POLR3B: variants seen among roughly 807,000 people sequenced by gnomAD.
The protein encoded by POLR3B is RNA polymerase III subunit B, also known as DNA-directed RNA polymerase III subunit RPC2.
Under a neutral mutation model 147.4 loss-of-function variants are expected in POLR3B, and 96 were observed. The observed-to-expected ratio is 0.65, with a 90% CI of 0.55 to 0.77. The LOEUF is 0.77. Among genes scored for constraint, POLR3B ranks in the 30% least tolerant of loss-of-function variants. The pLI, the probability that POLR3B is intolerant of heterozygous loss-of-function variation, is 0.00. For missense variants in POLR3B, 1,036 were observed against 1,413.5 expected (o/e 0.73, Z 4.28); for synonymous variants, 461 against 485.9 (o/e 0.95, Z 0.67).
At chr12:106,369,464 G>A in intron 5 of POLR3B, 114 bp downstream of exon 5, 1 of 965,818 alleles carries the variant, frequency 1.0e-6, no homozygotes, top group Non-Finnish European at 1.7e-6. Context: ...ATTCTTTGGA[G>A]AAAAAGGGAT....
chr12:106,386,954 A>G (rs1488694527), intron 9 of POLR3B, among the ~76,000 whole-genome samples: 1 of 152,146 alleles, frequency 6.6e-6, no homozygotes, highest in African/African-American at 2.4e-5. Context: ...TTTAATGTTT[A>G]TATTGTACAT....
In POLR3B at chr12:106,508,322, C is replaced by T. The variant is rs2038721791; in HGVS notation, c.3273-1098C>T. Among the ~76,000 whole-genome samples, 4 of 152,194 alleles carry T rather than the reference C, an allele frequency of 2.6e-5. No homozygotes were observed. In the South Asian group the frequency reaches 6.2e-4, roughly 24 times the overall value. Reference sequence around the variant, plus strand: ...AGAATATGCACATTTACAGTTTTTACACACACTGTCTTACTGCCCTCCAGA... The same window carrying T: ...AGAATATGCACATTTACAGTTTTTATACACACTGTCTTACTGCCCTCCAGA... On this transcript the variant is annotated intron_variant, in intron 27 of 27. Coordinates refer to ENST00000228347, the MANE Select transcript of POLR3B (RefSeq NM_018082.6).
intron 9 of POLR3B, among the ~76,000 whole-genome samples, chr12:106,388,824 G>T (rs1037472340): frequency 6.6e-6 from 1 of 152,114 alleles, no homozygotes; most frequent in Non-Finnish European, 1.5e-5. Context: ...CACCATTAGT[G>T]TGTGTATCAG....
intron 20 of POLR3B, among the ~76,000 whole-genome samples, chr12:106,455,883 TC>T (rs2037858319): frequency 6.6e-6 from 1 of 152,212 alleles, no homozygotes; most frequent in South Asian, 2.1e-4. Context: ...CATCTCACAG[TC>T]ACCTTCATAT....
At chr12:106,440,860 G>T (rs1198335239) in intron 18 of POLR3B, among the ~76,000 whole-genome samples, 1 of 151,452 alleles carries the variant, frequency 6.6e-6, no homozygotes, top group Admixed American at 6.6e-5. Flanking sequence ...GTTTTTCATT[G>T]ATGTAAATGA....
chr12:106,488,361 T>C (rs1218152435), intron 23 of POLR3B, among the ~76,000 whole-genome samples: 2 of 152,234 alleles, frequency 1.3e-5, no homozygotes, highest in Non-Finnish European at 2.9e-5. Flanking sequence ...CTGGCCAAGG[T>C]GAAATGATTT....
chr12:106,374,701 A>G (rs2036654590), intron 6 of POLR3B, among the ~76,000 whole-genome samples: 1 of 152,060 alleles, frequency 6.6e-6, no homozygotes, highest in African/African-American at 2.4e-5. Flanking sequence ...TATTTTTAGT[A>G]GAGATGGGGT....
chr12:106,460,081 T>A (rs2037914449), intron 22 of POLR3B, among the ~76,000 whole-genome samples: 1 of 151,994 alleles, frequency 6.6e-6, no homozygotes, highest in South Asian at 2.1e-4. Flanking sequence ...GATTCTTGAG[T>A]TGTGATGGCA....
Position 106,509,636 on chromosome 12 carries a change from G to C in POLR3B, c.*87G>C. On this transcript the variant is annotated 3_prime_UTR_variant, in exon 28 of 28. Transcript: ENST00000228347. The stretch of plus-strand genomic sequence containing the variant: ...GGGATTTAGGACTACGTCTCCTCCT[G>C]TGAAGAATTCCCTTGCGTATTCTCT... 1 of 1,219,626 alleles carries C rather than the reference G, an allele frequency of 8.2e-7. No individual in the cohort carries two copies. The highest frequency in any genetic ancestry group is 1.2e-6 in the Non-Finnish European group (1 of 841,680). The allele number at this position is 1,219,626 out of a possible 1,614,324, so 75.6% of individuals were successfully genotyped here. A position where few individuals can be genotyped will look rare whatever the true frequency, so the allele number is the denominator to read the frequency against.
chr12:106,394,902 A>G (rs766618737), intron 10 of POLR3B, among the ~76,000 whole-genome samples: 26 of 152,256 alleles, frequency 1.7e-4, no homozygotes, highest in Non-Finnish European at 2.9e-4. Context: ...CAAATAACCC[A>G]AAATAGTTGG....
chr12:106,457,440 T>C, intron 21 of POLR3B, 144 bp downstream of exon 21: 1 of 671,068 alleles, frequency 1.5e-6, no homozygotes, highest in South Asian at 1.8e-5. Context: ...GAGGTCATTT[T>C]TGATGAATTT....
At chr12:106,443,394 G>A (rs2037678690) in intron 18 of POLR3B, among the ~76,000 whole-genome samples, 2 of 152,088 alleles carry the variant, frequency 1.3e-5, no homozygotes, top group African/African-American at 2.4e-5. Context: ...AAAATTTAAA[G>A]TAATTAAGTA....
chr12:106,495,211 A>G (rs2038461357), intron 23 of POLR3B, among the ~76,000 whole-genome samples: 1 of 152,216 alleles, frequency 6.6e-6, no homozygotes, highest in African/African-American at 2.4e-5. Flanking sequence ...GGAATGAAAA[A>G]CTATTTAGCA....
intron 25 of POLR3B, among the ~76,000 whole-genome samples, chr12:106,497,141 T>C (rs527779775): frequency 4.1e-4 from 62 of 151,570 alleles, no homozygotes; most frequent in Non-Finnish European, 7.7e-4. Flanking sequence ...AAAAAATTTT[T>C]TTTTTTTTAG....
chr12:106,399,613 A>G (rs2037033243), intron 10 of POLR3B, among the ~76,000 whole-genome samples: 1 of 152,392 alleles, frequency 6.6e-6, no homozygotes, highest in Non-Finnish European at 1.5e-5. Context: ...AGCCCATCAG[A>G]CTAACAGCGG....
intron 23 of POLR3B, among the ~76,000 whole-genome samples, chr12:106,472,384 G>A (rs1240769227): frequency 1.3e-5 from 2 of 151,006 alleles, no homozygotes; most frequent in African/African-American, 4.9e-5. Context: ...ACCCAGTAAT[G>A]GGATGGCTGG....
chr12:106,393,410 A>G (rs548659536), intron 10 of POLR3B, among the ~76,000 whole-genome samples: 11 of 151,522 alleles, frequency 7.3e-5, no homozygotes, highest in African/African-American at 2.7e-4. Flanking sequence ...TTTTGATATA[A>G]TAGGAAGTAC....
chr12:106,477,888 C>A, intron 23 of POLR3B, among the ~76,000 whole-genome samples: 1 of 94,500 alleles, frequency 1.1e-5, no homozygotes, highest in East Asian at 2.5e-4. Flanking sequence ...CTTGGCTCCT[C>A]CCCTTTTTTT....
At chr12:106,403,403 G>A (rs1434102499) in intron 10 of POLR3B, among the ~76,000 whole-genome samples, 18 of 148,996 alleles carry the variant, frequency 1.2e-4, no homozygotes, top group East Asian at 5.9e-4. Flanking sequence ...TCAGTGTGGC[G>A]ATTCCTCAGG....
Sources: allele counts gnomAD v4.1 joint callset (sites outside exome capture counted in the v4.1 genomes callset), GRCh38; gene constraint gnomAD v4.1.1; transcripts MANE v1.5; gene names NCBI Gene and HGNC (gene_info 2026-07-23, HGNC 2026-07-21).